The following COPB1 variants were observed in gnomAD, a reference collection of about 807,000 sequenced individuals.
COPB1 encodes the protein coatomer subunit beta.
In COPB1, 21 loss-of-function variants were observed where a neutral mutation model predicts 108.7. That is an observed-to-expected ratio of 0.19 (90% CI 0.14 to 0.28). The LOEUF (loss-of-function observed/expected upper bound fraction) is 0.28, where lower values mean the gene tolerates loss of function less well. Ranked by LOEUF, COPB1 falls within the 10% of genes least tolerant of loss-of-function variation. The pLI is 1.00. For synonymous variants in COPB1, 378 were observed against 386.8 expected (o/e 0.98, Z 0.27); for missense variants, 919 against 1,141.3 (o/e 0.81, Z 2.81).
At chr11:14,489,763 G>A (rs1212690112) in intron 5 of COPB1, among the ~76,000 whole-genome samples, 4 of 152,146 alleles carry the variant, frequency 2.6e-5, no homozygotes, top group Non-Finnish European at 4.4e-5. Context: ...CAGAGTTTCA[G>A]TTTTGCAAGA....
chr11:14,462,679 G>T (rs1445899692), intron 18 of COPB1, among the ~76,000 whole-genome samples: 4 of 152,030 alleles, frequency 2.6e-5, no homozygotes, highest in Admixed American at 6.6e-5. Context: ...CCTCTCATAC[G>T]TATCAGAGAA....
At chr11:14,467,382 A>C (rs1291218998) in intron 16 of COPB1, among the ~76,000 whole-genome samples, 1 of 152,158 alleles carries the variant, frequency 6.6e-6, no homozygotes, top group Admixed American at 6.6e-5. Flanking sequence ...TCAAAAAAAA[A>C]CAAAACAAGT....
chr11:14,465,657 T>G (rs1260747851), intron 17 of COPB1, among the ~76,000 whole-genome samples: 1 of 152,222 alleles, frequency 6.6e-6, no homozygotes, highest in African/African-American at 2.4e-5. Context: ...TGGTTTTTTA[T>G]ACAGCCATCA....
chr11:14,475,079 G>A (rs1232759176), intron 13 of COPB1, among the ~76,000 whole-genome samples: 3 of 112,800 alleles, frequency 2.7e-5, no homozygotes, highest in African/African-American at 1.1e-4. Context: ...GGCCGACAGA[G>A]CAAGACTCTG....
Position 14,476,954 on chromosome 11 carries a change from T to G in COPB1, c.1420A>C (p.Ser474Arg). ...EYCSTKEDIQ[S>R]VMTEIRRSLG... The stretch of plus-strand genomic sequence containing the variant: ...GACCTGCGGATCTCAGTCATCACAC[T>G]CTGAATGTCTTCCTTGGTACTACAG... Residue 474 changes from serine (S) to arginine (R), a missense_variant, in exon 12 of 22, where the codon AGT (serine) becomes CGT (arginine). By Grantham distance (110) the Ser-to-Arg change is moderately radical (BLOSUM62 -1). Coordinates refer to ENST00000439561, the MANE Select transcript of COPB1 (RefSeq NM_001144061.2). 6.2e-7 allele frequency: 1 copy of G among 1,612,744 alleles called. No homozygotes were observed. Among genetic ancestry groups the G allele is most frequent in the Non-Finnish European group, 8.5e-7 (1 of 1,178,752 alleles).
intron 16 of COPB1, among the ~76,000 whole-genome samples, chr11:14,467,733 T>C (rs1008789668): frequency 2.0e-5 from 3 of 152,218 alleles, no homozygotes; most frequent in Non-Finnish European, 4.4e-5. Flanking sequence ...TTCTGATACA[T>C]GCTATGACAT....
In COPB1 at chr11:14,457,593, T is replaced by G; in HGVS notation, c.*231A>C. On this transcript the variant is annotated 3_prime_UTR_variant, in exon 22 of 22. Coordinates refer to ENST00000439561, the MANE Select transcript of COPB1 (RefSeq NM_001144061.2). The stretch of plus-strand genomic sequence containing the variant: ...TATTGTACTGTGAAAAGGGTCTTGG[T>G]ACATGAAACATTATATACTTTGAGG... 1 of 385,738 alleles carries G rather than the reference T, an allele frequency of 2.6e-6. No individual in the cohort carries two copies. Among genetic ancestry groups the G allele is most frequent in the Non-Finnish European group, 4.9e-6 (1 of 205,746 alleles). 23.9% of individuals were successfully genotyped at this position (385,738 alleles called of 1,614,324 possible).
At position 14,479,655 on chromosome 11, in the gene COPB1, A is replaced by G; in HGVS notation, c.1272T>C (p.Val424=). ...EAAAADVLEF[V]REAIQRFDNL... is the part of the protein sequence containing the mutation. Reference sequence around the variant, plus strand: ...TATCAAAGCGCTGAATGGCTTCACGAACAAACTCCAAGACATCAGCAGCTG... The same window carrying G: ...TATCAAAGCGCTGAATGGCTTCACGGACAAACTCCAAGACATCAGCAGCTG... The change falls in exon 11 of 22, where the codon GTT becomes GTC. Residue 424 remains valine, a synonymous_variant. Transcript: ENST00000439561. 6.2e-7 allele frequency: 1 copy of G among 1,613,348 alleles called. No homozygotes were observed. Among genetic ancestry groups the G allele is most frequent in the Non-Finnish European group, 8.5e-7 (1 of 1,179,588 alleles).
At chr11:14,470,944 A>ACTCTCTCTCT (rs1162965849) in intron 14 of COPB1, among the ~76,000 whole-genome samples, 1 of 90,154 alleles carries the variant, frequency 1.1e-5, no homozygotes, top group African/African-American at 5.2e-5. Context: ...ACACACACAC[A>ACTCTCTCTCT]CTCTCTCTCT....
At chr11:14,461,781 C>T (rs901486360) in intron 18 of COPB1, among the ~76,000 whole-genome samples, 1 of 152,082 alleles carries the variant, frequency 6.6e-6, no homozygotes. Flanking sequence ...TATTGCTGAC[C>T]CATACTACTT....
chr11:14,477,466 C>T lies in COPB1; in HGVS notation c.1359-451G>A, dbSNP rs139879666. On this transcript the variant is annotated intron_variant, in intron 11 of 21. Transcript: ENST00000439561. ...TAGCACATTCGGAGGCTGAGGCCAG[C>T]GGATCACTTGAGCCCAGGAGCTCAA... Among the ~76,000 whole-genome samples, 492 of 150,174 alleles carry T rather than the reference C, an allele frequency of 3.3e-3. 3 individuals are homozygous for T. The highest frequency in any genetic ancestry group is 0.011 in the African/African-American group (451 of 40,712).
intron 18 of COPB1, among the ~76,000 whole-genome samples, chr11:14,463,395 G>A (rs1012623162): frequency 6.6e-6 from 1 of 152,208 alleles, no homozygotes; most frequent in African/African-American, 2.4e-5. Context: ...TCGGCTCACT[G>A]TAACCTCTGT....
At chr11:14,477,376 C>T (rs986241668) in intron 11 of COPB1, among the ~76,000 whole-genome samples, 4 of 48,922 alleles carry the variant, frequency 8.2e-5, no homozygotes, top group South Asian at 9.4e-4. Context: ...GGTGACAGAG[C>T]GAGACTCCGT....
At chr11:14,498,799 C>CT in intron 2 of COPB1, 39 bp downstream of exon 2, 2 of 1,484,714 alleles carry the variant, frequency 1.3e-6, no homozygotes, top group African/African-American at 2.8e-5. Context: ...TTTGTTTTTT[C>CT]TTTTTTCATT....
chr11:14,482,939 G>A (rs982912005), intron 8 of COPB1, 93 bp downstream of exon 8: 61 of 1,183,208 alleles, frequency 5.2e-5, no homozygotes, highest in Non-Finnish European at 6.8e-5. Context: ...CAGTTTCCAA[G>A]CATTTAGGTT....
At chr11:14,466,911 A>G (rs904256869) in intron 16 of COPB1, among the ~76,000 whole-genome samples, 2 of 152,174 alleles carry the variant, frequency 1.3e-5, no homozygotes, top group Non-Finnish European at 2.9e-5. Flanking sequence ...ATTATATAGT[A>G]AGAAATGATT....
chr11:14,493,979 A>G (rs537821453), intron 3 of COPB1, among the ~76,000 whole-genome samples, 168 bp from the exon 4 acceptor site: 1 of 152,344 alleles, frequency 6.6e-6, no homozygotes, highest in African/African-American at 2.4e-5. Context: ...CTATCTCATC[A>G]ATGTCTTATA....
At chr11:14,493,368 G>C (rs1161863664) in intron 4 of COPB1, among the ~76,000 whole-genome samples, 1 of 152,174 alleles carries the variant, frequency 6.6e-6, no homozygotes, top group African/African-American at 2.4e-5. Context: ...TAATACGGTT[G>C]AGAATGACAA....
intron 14 of COPB1, among the ~76,000 whole-genome samples, chr11:14,471,424 C>CT (rs1159750478): frequency 6.6e-6 from 1 of 152,020 alleles, no homozygotes; most frequent in African/African-American, 2.4e-5. Context: ...AAATTCAACT[C>CT]TGAGATAAAA....
Sources: gnomAD v4.1 joint callset for allele counts (sites outside exome capture counted in the v4.1 genomes callset) on GRCh38, gnomAD v4.1.1 for gene constraint, MANE v1.5 for transcripts, NCBI Gene and HGNC (gene_info 2026-07-23, HGNC 2026-07-21) for gene names.